Variants in FAM216A observed in about 807,000 individuals in gnomAD.
The protein encoded by FAM216A is protein FAM216A.
FAM216A carries 26 observed loss-of-function variants against 37.6 expected under a neutral mutation model. The observed-to-expected ratio is 0.69, with a 90% CI of 0.51 to 0.96. The LOEUF (loss-of-function observed/expected upper bound fraction) is 0.96. Among genes scored for constraint, FAM216A ranks in the 40% least tolerant of loss-of-function variants. The pLI, the probability that FAM216A is intolerant of heterozygous loss-of-function variation, is 0.00. For synonymous variants in FAM216A, 110 were observed against 121.7 expected (o/e 0.90, Z 0.64); for missense variants, 326 against 339.3 (o/e 0.96, Z 0.31).
chr12:110,489,847 T>A (rs1245518424), intron 6 of FAM216A, among the ~76,000 whole-genome samples, 172 bp from the exon 7 acceptor site: 1 of 152,214 alleles, frequency 6.6e-6, no homozygotes, highest in Non-Finnish European at 1.5e-5. Flanking sequence ...TACAGTATTG[T>A]GTATCTTAAA....
intron 2 of FAM216A, among the ~76,000 whole-genome samples, chr12:110,475,723 A>G (rs1259983817): frequency 1.2e-5 from 1 of 85,842 alleles, no homozygotes; most frequent in Non-Finnish European, 2.1e-5. Flanking sequence ...ACCCCTGGCA[A>G]AAAAAAAAAA....
intron 6 of FAM216A, among the ~76,000 whole-genome samples, chr12:110,489,230 C>A (rs554989996): frequency 3.7e-4 from 57 of 152,250 alleles, no homozygotes; most frequent in African/African-American, 1.3e-3. Flanking sequence ...GTTGGCCAGG[C>A]GCAGTGGCTC....
At chr12:110,477,781 C>G (rs887272411) in intron 2 of FAM216A, among the ~76,000 whole-genome samples, 2 of 151,348 alleles carry the variant, frequency 1.3e-5, no homozygotes, top group Admixed American at 6.6e-5. Flanking sequence ...AATCTCGGCT[C>G]ACTGCAAGCT....
intron 1 of FAM216A, among the ~76,000 whole-genome samples, chr12:110,472,841 G>T (rs1415688701): frequency 6.6e-6 from 1 of 151,132 alleles, no homozygotes; most frequent in Admixed American, 6.6e-5. Context: ...AAATTAGCTG[G>T]GTGTAGCAGC....
chr12:110,468,597 G>T, upstream of FAM216A: 2 of 1,537,216 alleles, frequency 1.3e-6, no homozygotes, highest in South Asian at 1.2e-5. Flanking sequence ...TGAGGATCTG[G>T]AATACTGAAG....
In FAM216A at chr12:110,473,268, G is replaced by A. The variant is rs529923178; in HGVS notation, c.184+150G>A. 1.4e-3 allele frequency: 548 copies of A among 379,904 alleles called. 1 individual carries two copies. The highest frequency in any genetic ancestry group is 2.2e-3 in the Non-Finnish European group (439 of 197,614). 23.5% of individuals were successfully genotyped at this position (379,904 alleles called of 1,614,324 possible). ...ACTCTGTTGCCTGGGCTGGAGTGCAGTAGTGCGATCTGGGCTCACTGCAAC... is the reference window on the plus strand; with the variant it reads ...ACTCTGTTGCCTGGGCTGGAGTGCAATAGTGCGATCTGGGCTCACTGCAAC... On this transcript the variant is annotated intron_variant, in intron 2 of 6. Transcript: ENST00000377673.
chr12:110,473,247 TG>T (rs1355380507), intron 2 of FAM216A, 129 bp downstream of exon 2: 3 of 404,942 alleles, frequency 7.4e-6, no homozygotes, highest in African/African-American at 2.1e-5. Flanking sequence ...AGTCTCACTC[TG>T]TTGCCTGGGC....
chr12:110,471,540 A>G (rs183208363), intron 1 of FAM216A, among the ~76,000 whole-genome samples: 176 of 152,308 alleles, frequency 1.2e-3, no homozygotes, highest in South Asian at 2.7e-3. Context: ...CACTCCTTCA[A>G]AACTCCCTCA....
upstream of FAM216A, chr12:110,468,506 TC>T (rs755057112): frequency 2.0e-6 from 3 of 1,537,294 alleles, no homozygotes; most frequent in Non-Finnish European, 2.6e-6. Flanking sequence ...AAGCTCCGCA[TC>T]CTTGCGCCAC....
chr12:110,486,805 G>A, intron 5 of FAM216A, 88 bp downstream of exon 5: 2 of 1,167,698 alleles, frequency 1.7e-6, no homozygotes, highest in Non-Finnish European at 2.4e-6. Context: ...CACCCAGGCT[G>A]GAGTGTAGTG....
intron 2 of FAM216A, among the ~76,000 whole-genome samples, chr12:110,479,264 T>C (rs1429565687): frequency 6.6e-6 from 1 of 152,104 alleles, no homozygotes; most frequent in African/African-American, 2.4e-5. Flanking sequence ...TCATTGCTTC[T>C]AGACTTTCTC....
At chr12:110,474,907 G>T (rs911795712) in intron 2 of FAM216A, among the ~76,000 whole-genome samples, 1 of 151,476 alleles carries the variant, frequency 6.6e-6, no homozygotes, top group Non-Finnish European at 1.5e-5. Context: ...CAGGAGAATC[G>T]CTTGAACCTG....
intron 2 of FAM216A, among the ~76,000 whole-genome samples, chr12:110,480,995 T>C (rs2062744029): frequency 1.3e-5 from 2 of 152,178 alleles, no homozygotes; most frequent in Non-Finnish European, 2.9e-5. Flanking sequence ...TTTTCCTAGG[T>C]ATCTCATAAA....
At chr12:110,480,868 G>GT (rs1007404462) in intron 2 of FAM216A, among the ~76,000 whole-genome samples, 41 of 151,534 alleles carry the variant, frequency 2.7e-4, no homozygotes, top group Non-Finnish European at 7.4e-5. Flanking sequence ...ATTAACTTTA[G>GT]TTTTTTTTGT....
At chr12:110,484,372 A>G (rs1014434884) in intron 2 of FAM216A, among the ~76,000 whole-genome samples, 4 of 127,348 alleles carry the variant, frequency 3.1e-5, no homozygotes, top group African/African-American at 1.2e-4. Context: ...GCTTGCAGTG[A>G]GCTGAGATCG....
intron 2 of FAM216A, among the ~76,000 whole-genome samples, chr12:110,483,337 A>AAAAAAAAAAAG (rs1479728022): frequency 6.6e-6 from 1 of 151,954 alleles, no homozygotes; most frequent in African/African-American, 2.4e-5. Flanking sequence ...TCTCAAAAAA[A>AAAAAAAAAAAG]AAAAAAGAGG....
chr12:110,487,768 G>A, intron 5 of FAM216A, 93 bp from the exon 6 acceptor site: 2 of 763,716 alleles, frequency 2.6e-6, no homozygotes, highest in Non-Finnish European at 4.6e-6. Context: ...GGTGATGTTG[G>A]CAGCTAATAA....
At chr12:110,483,280 G>A (rs1370573100) in intron 2 of FAM216A, among the ~76,000 whole-genome samples, 3 of 145,170 alleles carry the variant, frequency 2.1e-5, no homozygotes, top group Non-Finnish European at 4.4e-5. Context: ...GCAATGAGCC[G>A]AGATGGTGCC....
intron 2 of FAM216A, among the ~76,000 whole-genome samples, chr12:110,478,630 A>T (rs2062728670): frequency 6.6e-6 from 1 of 152,068 alleles, no homozygotes; most frequent in Non-Finnish European, 1.5e-5. Context: ...GGAAATAGGG[A>T]CTTTGGTTTT....
Sources: allele counts gnomAD v4.1 joint callset (sites outside exome capture counted in the v4.1 genomes callset), GRCh38; gene constraint gnomAD v4.1.1; transcripts MANE v1.5; gene names NCBI Gene and HGNC (gene_info 2026-07-23, HGNC 2026-07-21).